Variants in PTPRD observed in about 807,000 individuals in gnomAD.
PTPRD encodes the protein protein tyrosine phosphatase receptor type D.
A neutral mutation model predicts 214.5 loss-of-function variants in PTPRD; 34 were observed. The ratio of observed to expected loss-of-function variants is 0.16; its 90% CI spans 0.12 to 0.21. The LOEUF (loss-of-function observed/expected upper bound fraction) is 0.21. Among genes scored for constraint, PTPRD ranks in the 10% least tolerant of loss-of-function variants. The pLI is 1.00. For synonymous variants in PTPRD, 1,128 were observed against 845.7 expected (o/e 1.33, Z -5.79); for missense variants, 2,545 against 2,398.7 (o/e 1.06, Z -1.27).
intron 9 of PTPRD, among the ~76,000 whole-genome samples, chr9:9,391,759 C>T (rs535277147): frequency 4.6e-5 from 7 of 152,216 alleles, no homozygotes; most frequent in African/African-American, 1.7e-4. Flanking sequence ...GGGAGGTGGG[C>T]CCTGCCTCTA....
chr9:9,492,206 A>G (rs528217775), intron 8 of PTPRD, among the ~76,000 whole-genome samples: 3 of 151,958 alleles, frequency 2.0e-5, no homozygotes, highest in South Asian at 4.2e-4. Flanking sequence ...GAACAGGAAC[A>G]TATGAATAGA....
chr9:8,791,299 C>G (rs1056574115), intron 11 of PTPRD, among the ~76,000 whole-genome samples: 5 of 152,002 alleles, frequency 3.3e-5, no homozygotes, highest in Admixed American at 6.5e-5. Context: ...GATCTCCGCT[C>G]ACTGCAAACT....
At chr9:8,592,467 T>C (rs946772926) in intron 14 of PTPRD, among the ~76,000 whole-genome samples, 7 of 152,302 alleles carry the variant, frequency 4.6e-5, no homozygotes, top group African/African-American at 1.7e-4. Context: ...TGAATAGCTC[T>C]GGGAACGTGC....
intron 6 of PTPRD, among the ~76,000 whole-genome samples, chr9:9,753,346 G>A (rs1311922405): frequency 6.6e-6 from 1 of 151,962 alleles, no homozygotes; most frequent in Non-Finnish European, 1.5e-5. Context: ...TTTGTGTTAT[G>A]AAGTGAATTA....
At chr9:8,768,368 T>C (rs1033386526) in intron 11 of PTPRD, among the ~76,000 whole-genome samples, 2 of 152,104 alleles carry the variant, frequency 1.3e-5, no homozygotes, top group Non-Finnish European at 2.9e-5. Flanking sequence ...CTGAGCAACA[T>C]GGCAAAACCT....
chr9:10,578,161 C>A (rs968519452), intron 2 of PTPRD, among the ~76,000 whole-genome samples: 16 of 151,968 alleles, frequency 1.1e-4, no homozygotes. Flanking sequence ...CCACCTGCCT[C>A]GGCCTCCCAA....
At chr9:10,604,429 T>C (rs2078786872) in intron 2 of PTPRD, among the ~76,000 whole-genome samples, 1 of 151,544 alleles carries the variant, frequency 6.6e-6, no homozygotes, top group South Asian at 2.1e-4. Flanking sequence ...GGGAGAGGTG[T>C]ATGGGAAAAT....
At chr9:8,589,546 G>A (rs1594700154) in intron 14 of PTPRD, among the ~76,000 whole-genome samples, 1 of 152,188 alleles carries the variant, frequency 6.6e-6, no homozygotes, top group Non-Finnish European at 1.5e-5. Flanking sequence ...TTGAAAACAA[G>A]ATACTACTTG....
chr9:8,340,580 A>G (rs1564089568), intron 41 of PTPRD, 111 bp from the exon 42 acceptor site: 1 of 1,067,788 alleles, frequency 9.4e-7, no homozygotes, highest in Non-Finnish European at 1.3e-6. Context: ...ACATATTATT[A>G]ATGCAATTGA....
chr9:9,887,737 G>A (rs1448567304), intron 5 of PTPRD, among the ~76,000 whole-genome samples: 1 of 152,020 alleles, frequency 6.6e-6, no homozygotes, highest in African/African-American at 2.4e-5. Flanking sequence ...ATTAGAGAAA[G>A]CTAAATATAC....
chr9:9,247,033 CAAGAT>C (rs150820709), intron 9 of PTPRD, among the ~76,000 whole-genome samples: 33,446 of 151,624 alleles, frequency 0.22, 3,985 homozygotes, highest in East Asian at 0.33. Flanking sequence ...TCCTCTTTCC[CAAGAT>C]AAGTCATAGA....
At chr9:8,956,819 A>C (rs1240401561) in intron 11 of PTPRD, among the ~76,000 whole-genome samples, 1 of 151,868 alleles carries the variant, frequency 6.6e-6, no homozygotes, top group Non-Finnish European at 1.5e-5. Flanking sequence ...ATCTCAGTGA[A>C]TCTTAACCCT....
intron 11 of PTPRD, among the ~76,000 whole-genome samples, chr9:8,838,284 A>T (rs2097482234): frequency 6.6e-6 from 1 of 152,086 alleles, no homozygotes; most frequent in Non-Finnish European, 1.5e-5. Flanking sequence ...TGGGGGAAGG[A>T]AGGACAGTTC....
intron 3 of PTPRD, among the ~76,000 whole-genome samples, chr9:10,299,673 G>A (rs904949995): frequency 2.8e-4 from 43 of 152,282 alleles, no homozygotes; most frequent in African/African-American, 9.6e-4. Context: ...TTCATCAGAA[G>A]ATTGGTAGGC....
chr9:8,870,527 C>T (rs948037951), intron 11 of PTPRD, among the ~76,000 whole-genome samples: 4 of 152,138 alleles, frequency 2.6e-5, no homozygotes, highest in Non-Finnish European at 5.9e-5. Flanking sequence ...TCTTTTGGTT[C>T]ACCACCCCAA....
intron 9 of PTPRD, among the ~76,000 whole-genome samples, chr9:9,229,886 A>C (rs2099961993): frequency 6.6e-6 from 1 of 152,124 alleles, no homozygotes; most frequent in African/African-American, 2.4e-5. Flanking sequence ...AAATACAGAA[A>C]TTATACACTT....
intron 8 of PTPRD, among the ~76,000 whole-genome samples, chr9:9,537,922 T>A (rs2076841723): frequency 6.6e-6 from 1 of 151,948 alleles, no homozygotes; most frequent in African/African-American, 2.4e-5. Context: ...GTTTTAATAT[T>A]TTTCTTTCTC....
At chr9:9,547,269 C>CT (rs1315670733) in intron 8 of PTPRD, among the ~76,000 whole-genome samples, 2 of 152,074 alleles carry the variant, frequency 1.3e-5, no homozygotes, top group Non-Finnish European at 2.9e-5. Flanking sequence ...CTTTGTGTTC[C>CT]TTTACCTCCC....
At chr9:9,526,872 T>C (rs1194768831) in intron 8 of PTPRD, among the ~76,000 whole-genome samples, 1 of 152,198 alleles carries the variant, frequency 6.6e-6, no homozygotes, top group Non-Finnish European at 1.5e-5. Context: ...GTTTTCACTA[T>C]AATTCAGATG....
Sources: gnomAD v4.1 joint callset for allele counts (sites outside exome capture counted in the v4.1 genomes callset) on GRCh38, gnomAD v4.1.1 for gene constraint, MANE v1.5 for transcripts, NCBI Gene and HGNC (gene_info 2026-07-23, HGNC 2026-07-21) for gene names.